The following GLIS3 variants were observed in gnomAD, a reference collection of about 807,000 sequenced individuals.
GLIS3 encodes zinc finger protein GLIS3.
Under a neutral mutation model 78.6 loss-of-function variants are expected in GLIS3, and 53 were observed. That is an observed-to-expected ratio of 0.67 (90% CI 0.54 to 0.85). GLIS3 has a LOEUF of 0.85. GLIS3 is among the 40% of genes least tolerant of loss of function. The pLI is 0.00. For missense variants in GLIS3, 1,703 were observed against 1,231.1 expected, an observed-to-expected ratio of 1.38 and a Z score of -5.74; for synonymous variants, 684 against 509.9, an observed-to-expected ratio of 1.34 and a Z score of -4.60.
At chr9:3,836,196 G>A (rs1818340076) in intron 9 of GLIS3, among the ~76,000 whole-genome samples, 1 of 152,230 alleles carries the variant, frequency 6.6e-6, no homozygotes, top group Non-Finnish European at 1.5e-5. Flanking sequence ...GTGCTAAGCA[G>A]TTTGTGCCTG....
intron 6 of GLIS3, among the ~76,000 whole-genome samples, chr9:3,914,061 T>C (rs1824327069): frequency 6.6e-6 from 1 of 152,192 alleles, no homozygotes; most frequent in African/African-American, 2.4e-5. Context: ...TATGCCTAAA[T>C]TATCAATTAA....
At chr9:4,427,502 C>T in the GLIS3 span, among the ~76,000 whole-genome samples, 2 of 152,106 alleles carry the variant, frequency 1.3e-5, no homozygotes, top group South Asian at 2.1e-4. Context: ...AGCCCAGTCC[C>T]AGATAACAAC....
chr9:4,153,049 C>G (rs894354175), intron 2 of GLIS3, among the ~76,000 whole-genome samples: 6 of 152,188 alleles, frequency 3.9e-5, no homozygotes, highest in Non-Finnish European at 7.3e-5. Context: ...TGAGCAGCAT[C>G]TCTAGCCTCT....
the GLIS3 span, among the ~76,000 whole-genome samples, chr9:4,410,032 G>A: frequency 3.3e-5 from 5 of 152,094 alleles, no homozygotes; most frequent in Non-Finnish European, 5.9e-5. Context: ...GTGCAGTGGT[G>A]AGATCTCAGC....
the GLIS3 span, among the ~76,000 whole-genome samples, chr9:4,370,658 T>C: frequency 6.6e-6 from 1 of 151,736 alleles, no homozygotes; most frequent in African/African-American, 2.4e-5. Context: ...ATATTTAATA[T>C]GTATTTAATA....
intron 4 of GLIS3, among the ~76,000 whole-genome samples, chr9:4,066,166 G>T (rs1389319410): frequency 6.6e-6 from 1 of 151,690 alleles, no homozygotes; most frequent in African/African-American, 2.4e-5. Context: ...TTTAATAAAA[G>T]AGCAAACAGC....
At chr9:3,964,096 G>T (rs1817756797) in intron 4 of GLIS3, among the ~76,000 whole-genome samples, 1 of 152,000 alleles carries the variant, frequency 6.6e-6, no homozygotes, top group African/African-American at 2.4e-5. Context: ...AGAGTGCTGG[G>T]CTGCAAAGTA....
At chr9:4,287,063 G>C (rs1416876317) in intron 1 of GLIS3, among the ~76,000 whole-genome samples, 1 of 151,982 alleles carries the variant, frequency 6.6e-6, no homozygotes, top group Non-Finnish European at 1.5e-5. Flanking sequence ...CCTAGGCCTG[G>C]GAATACCATA....
chr9:3,910,652 G>A (rs1366813944), intron 6 of GLIS3, among the ~76,000 whole-genome samples: 1 of 152,188 alleles, frequency 6.6e-6, no homozygotes, highest in Non-Finnish European at 1.5e-5. Flanking sequence ...TTTTTATACA[G>A]GTAAGAGGAC....
At chr9:4,268,783 G>A (rs1216081823) in intron 2 of GLIS3, among the ~76,000 whole-genome samples, 1 of 151,972 alleles carries the variant, frequency 6.6e-6, no homozygotes, top group East Asian at 1.9e-4. Flanking sequence ...GATCTCCAAG[G>A]TCCCAGTACC....
intron 1 of GLIS3, among the ~76,000 whole-genome samples, chr9:4,296,017 A>G (rs1465973833): frequency 6.6e-6 from 1 of 152,158 alleles, no homozygotes; most frequent in Non-Finnish European, 1.5e-5. Context: ...GAAAAGTAAA[A>G]CAGTTAAGTC....
chr9:4,234,850 G>C (rs797021711), intron 2 of GLIS3, among the ~76,000 whole-genome samples: 10 of 152,270 alleles, frequency 6.6e-5, no homozygotes, highest in African/African-American at 2.4e-4. Flanking sequence ...CAGAAAATAG[G>C]TTTATCTGAC....
At chr9:3,952,767 A>C (rs1049832218) in intron 4 of GLIS3, among the ~76,000 whole-genome samples, 13 of 152,100 alleles carry the variant, frequency 8.5e-5, no homozygotes, top group African/African-American at 3.1e-4. Flanking sequence ...TTGCACTTTA[A>C]TCTCCTTGGG....
intron 2 of GLIS3, among the ~76,000 whole-genome samples, chr9:4,168,320 T>C (rs980508691): frequency 1.3e-5 from 2 of 152,214 alleles, no homozygotes; most frequent in Non-Finnish European, 2.9e-5. Flanking sequence ...AGACAAGTCA[T>C]GTCTTTAAGA....
In GLIS3 at chr9:4,014,790, G is replaced by A. The variant is rs919791112; in HGVS notation, c.1711-77601C>T. On this transcript the variant is annotated intron_variant, in intron 4 of 10. Transcript: ENST00000381971. Reference sequence around the variant, plus strand: ...CGTCCAATGCCTTCAAAGTGCAGATGTACACACTCACACCTGGAGAGACTT... The same window carrying A: ...CGTCCAATGCCTTCAAAGTGCAGATATACACACTCACACCTGGAGAGACTT... Among the ~76,000 whole-genome samples, 7 of 152,278 alleles carry A rather than the reference G, an allele frequency of 4.6e-5. 1 individual carries two copies. In the South Asian group the frequency reaches 1.0e-3, roughly 23 times the overall value.
chr9:4,411,462 T>C, the GLIS3 span, among the ~76,000 whole-genome samples: 2 of 152,156 alleles, frequency 1.3e-5, no homozygotes, highest in Admixed American at 1.3e-4. Context: ...ATCATGAAAA[T>C]CAATATGCAA....
intron 4 of GLIS3, among the ~76,000 whole-genome samples, chr9:3,955,365 A>G (rs745564080): frequency 6.6e-6 from 1 of 152,196 alleles, no homozygotes; most frequent in Non-Finnish European, 1.5e-5. Flanking sequence ...CTATCTGTTT[A>G]TTTATTGAAA....
intron 4 of GLIS3, among the ~76,000 whole-genome samples, chr9:4,072,166 T>C (rs1827667174): frequency 6.6e-6 from 1 of 152,240 alleles, no homozygotes; most frequent in Non-Finnish European, 1.5e-5. Flanking sequence ...CTTAGGGGTC[T>C]TTCCTTTATA....
At chr9:3,872,889 CA>C (rs1821057697) in intron 8 of GLIS3, among the ~76,000 whole-genome samples, 4 of 152,014 alleles carry the variant, frequency 2.6e-5, no homozygotes. Flanking sequence ...AGGAACAAAC[CA>C]AACCCCAGAT....
Sources: gnomAD v4.1 joint callset for allele counts (sites outside exome capture counted in the v4.1 genomes callset) on GRCh38, gnomAD v4.1.1 for gene constraint, MANE v1.5 for transcripts, NCBI Gene and HGNC (gene_info 2026-07-23, HGNC 2026-07-21) for gene names.